USP21: variants seen among roughly 807,000 people sequenced by gnomAD.
The protein encoded by USP21 is ubiquitin specific peptidase 21.
A neutral mutation model predicts 70.8 loss-of-function variants in USP21; 37 were observed. That is an observed-to-expected ratio of 0.52 (90% CI 0.40 to 0.69). USP21 has a LOEUF of 0.69. Ranked by LOEUF, USP21 falls within the 30% of genes least tolerant of loss-of-function variation. The probability of loss-of-function intolerance (pLI) is 0.00; values close to 1 mark genes in which losing one functional copy is unlikely to be tolerated. For missense variants in USP21, 584 were observed against 740.8 expected (o/e 0.79, Z 2.46); for synonymous variants, 263 against 283.1 (o/e 0.93, Z 0.71).
Position 161,160,972 on chromosome 1 carries a change from C to G in USP21, c.332C>G (p.Ser111Cys). 1 of 1,614,248 alleles carries G rather than the reference C, an allele frequency of 6.2e-7. No homozygotes were observed. The highest frequency in any genetic ancestry group is 8.5e-7 in the Non-Finnish European group (1 of 1,180,054). Residue 111 changes from serine (S) to cysteine (C), a missense_variant, in exon 3 of 14, where the codon TCC (serine) becomes TGC (cysteine). Transcript: ENST00000368002. ...PLPSRTNLARSKSVSSGDLRP... is the reference protein window; with the variant it reads ...PLPSRTNLARCKSVSSGDLRP... ...CCATCTCGGACCAACTTAGCCCGTTCCAAGTCTGTGAGCAGTGGGGACTTG... is the reference window on the plus strand; with the variant it reads ...CCATCTCGGACCAACTTAGCCCGTTGCAAGTCTGTGAGCAGTGGGGACTTG...
chr1:161,163,121 C>A (rs1658084607), intron 7 of USP21, 47 bp downstream of exon 7: 3 of 1,540,712 alleles, frequency 1.9e-6, no homozygotes, highest in Non-Finnish European at 2.6e-6. Context: ...TTATCAGCAT[C>A]ATTCACACTT....
Position 161,163,574 on chromosome 1 carries a change from C to T in USP21, c.1069C>T (p.Leu357=), listed in dbSNP as rs1203698456. The T allele has an allele frequency of 6.8e-6, 11 of 1,612,946 alleles. No homozygotes were observed. The highest frequency in any genetic ancestry group is 7.6e-6 in the Non-Finnish European group (9 of 1,179,928). ...PELSDDDRAN[L]MWKRYLERED... ...TGGTAGTGATGATGACCGAGCCAAC[C>T]TAATGTGGAAACGTTACCTGGAGCG... Residue 357 remains leucine, a synonymous_variant, in exon 8 of 14, where the codon CTA becomes TTA. Transcript: ENST00000368002.
At position 161,163,496 on chromosome 1, in the gene USP21, G is replaced by T. The variant is rs541603970; in HGVS notation, c.1050-59G>T. ...TGTAGGTTGTTTCAGTGGGTGTTGG[G>T]GGTGCCCAGTGTTCCTGCTGTCTCA... On this transcript the variant is annotated intron_variant, in intron 7 of 13. Transcript: ENST00000368002. The T allele has an allele frequency of 1.3e-4, 191 of 1,525,090 alleles. No homozygotes were observed. In the East Asian group the frequency reaches 4.2e-3, roughly 34 times the overall value. 94.5% of individuals were successfully genotyped at this position (1,525,090 alleles called of 1,614,324 possible).
intron 8 of USP21, 45 bp from the exon 9 acceptor site, chr1:161,163,833 A>G: frequency 6.4e-7 from 1 of 1,563,448 alleles, no homozygotes; most frequent in Non-Finnish European, 8.8e-7. Context: ...TCATCTCATA[A>G]CATCCAACAA....
In USP21 at chr1:161,161,802, T is replaced by G; in HGVS notation, c.601-236T>G. On this transcript the variant is annotated intron_variant, in intron 3 of 13. Transcript: ENST00000368002. The surrounding 1 kb of genome is among the most constrained non-coding windows in gnomAD (Gnocchi z 4.2). ...AACGTCAGCTAGCTGAGCAGAGGAG[T>G]AAGTGGGCAACAGGTGGGACAGCCA... 2 of 548,364 alleles carry G rather than the reference T, an allele frequency of 3.6e-6. No individual in the cohort carries two copies. Among genetic ancestry groups the G allele is most frequent in the East Asian group, 3.1e-5 (1 of 32,620 alleles). The allele number at this position is 548,364 out of a possible 1,614,324, so 34.0% of individuals were successfully genotyped here.
In USP21 at chr1:161,163,604, G is replaced by A. The variant is rs2101811838; in HGVS notation, c.1099G>A (p.Asp367Asn). 3.7e-6 allele frequency: 6 copies of A among 1,603,722 alleles called. No homozygotes were observed. Among genetic ancestry groups the A allele is most frequent in the Non-Finnish European group, 4.3e-6 (5 of 1,174,452 alleles). Reference protein sequence around the residue: ...LMWKRYLEREDSKIVDLFVGQ... With the variant: ...LMWKRYLERENSKIVDLFVGQ... ...GTGGAAACGTTACCTGGAGCGAGAG[G>A]ACAGCAAGATTGTGGGTATGGAATG... Residue 367 changes from aspartate to asparagine, a missense_variant, in exon 8 of 14, where the codon GAC (aspartate) becomes AAC (asparagine). Asp to Asn is a conservative substitution (Grantham distance 23). This residue lies in a region of USP21 where 173 missense variants were observed against 268.2 expected (regional missense o/e 0.65). Transcript: ENST00000368002.
rs767479799 is a variant in USP21, at chr1:161,160,851, G to C, written c.211G>C (p.Gly71Arg). 1 of 1,614,206 alleles carries C rather than the reference G, an allele frequency of 6.2e-7. No individual in the cohort carries two copies. Among genetic ancestry groups the C allele is most frequent in the Non-Finnish European group, 8.5e-7 (1 of 1,180,040 alleles). ...ERLKKLELGR[G>R]RTSGPRPRGP... ...GCTCAAGAAACTGGAGCTGGGACGG[G>C]GACGGACCTCAGGCCCTCGTCCCAG... The change falls in exon 3 of 14, where the codon GGA becomes CGA. Residue 71 changes from glycine to arginine, a missense_variant. By Grantham distance (125) the Gly-to-Arg change is moderately radical. This residue lies in a region of USP21 where 284 missense variants were observed against 281.0 expected (regional missense o/e 1.01). Coordinates refer to ENST00000368002, the MANE Select transcript of USP21 (RefSeq NM_001014443.3).
In USP21 at chr1:161,162,330, C is replaced by A; in HGVS notation, c.721C>A (p.Leu241Met). The A allele has an allele frequency of 1.2e-6, 2 of 1,613,656 alleles. No individual in the cohort carries two copies. Among genetic ancestry groups the A allele is most frequent in the Non-Finnish European group, 1.7e-6 (2 of 1,179,818 alleles). The change falls in exon 5 of 14, where the codon CTG (leucine) becomes ATG (methionine). Residue 241 changes from leucine to methionine, a missense_variant. Leu to Met is a conservative substitution (Grantham distance 15). Transcript: ENST00000368002. The surrounding 1 kb of genome is among the most constrained non-coding windows in gnomAD (Gnocchi z 4.1). The part of the protein sequence containing the change: ...SSTRPLRDFC[L>M]RRDFRQEVPG... Reference sequence around the variant, plus strand: ...CACTCGACCTCTTCGGGACTTCTGTCTGAGAAGGGACTTCCGGCAAGAGGT... The same window carrying A: ...CACTCGACCTCTTCGGGACTTCTGTATGAGAAGGGACTTCCGGCAAGAGGT...
chr1:161,159,951 TGTTCG>T (rs1657770415), intron 1 of USP21, among the ~76,000 whole-genome samples: 6 of 152,268 alleles, frequency 3.9e-5, no homozygotes, highest in South Asian at 2.1e-4. Flanking sequence ...GTCAAGGAGT[TGTTCG>T]TCCTCCATCC....
In USP21 at chr1:161,160,507, G is replaced by T; in HGVS notation, c.-22+1G>T. The T allele has an allele frequency of 9.0e-7, 1 of 1,108,816 alleles. No individual in the cohort carries two copies. Among genetic ancestry groups the T allele is most frequent in the Admixed American group, 2.2e-5 (1 of 46,208 alleles). 68.7% of individuals were successfully genotyped at this position (1,108,816 alleles called of 1,614,324 possible). On this transcript the variant is annotated splice_donor_variant, in intron 2 of 13. Transcript: ENST00000368002. LOFTEE classifies it low-confidence loss of function (5UTR_SPLICE). The stretch of plus-strand genomic sequence containing the variant: ...AAATGAGAGGACAGCAAGATTGTGG[G>T]TATGGAATGGGGCAAAGCAATAAGG...
chr1:161,159,933 G>C (rs1657767668), intron 1 of USP21, among the ~76,000 whole-genome samples: 1 of 152,236 alleles, frequency 6.6e-6, no homozygotes. Flanking sequence ...GAAGTGCAGA[G>C]ATTAAGGGTC....
rs1658140045 is a variant in USP21, at chr1:161,163,765, T to C, written c.1115-113T>C. On this transcript the variant is annotated intron_variant, in intron 8 of 13. Transcript: ENST00000368002. ...TGTGTGAAGAGTTGATTAGGAGTGTTGGTAGTGGGAAAGGAAGGGTCAAGC... is the reference window on the plus strand; with the variant it reads ...TGTGTGAAGAGTTGATTAGGAGTGTCGGTAGTGGGAAAGGAAGGGTCAAGC... 3 of 1,320,570 alleles carry C rather than the reference T, an allele frequency of 2.3e-6. No individual in the cohort carries two copies. The South Asian group carries it at 3.6e-5, about 16-fold the overall frequency. The allele number at this position is 1,320,570 out of a possible 1,614,324, so 81.8% of individuals were successfully genotyped here.
chr1:161,164,876 A>C lies in USP21; in HGVS notation c.1426A>C (p.Ser476Arg). ...TGCCTCCCGAGGCTCCATCAAAAAA[A>C]GTTCAGTAGGTGTAGACTTTCCACT... ...FSASRGSIKK[S>R]SVGVDFPLQR... is the part of the protein sequence containing the mutation. Residue 476 changes from serine (S) to arginine (R), a missense_variant, in exon 12 of 14, where the codon AGT (serine) becomes CGT (arginine). Ser to Arg is a moderately radical substitution (Grantham distance 110, BLOSUM62 -1). Transcript: ENST00000368002. This position sits in a 1 kb window ranked among gnomAD's most constrained non-coding sequence, Gnocchi z 4.2. 6.2e-7 allele frequency: 1 copy of C among 1,614,112 alleles called. No homozygotes were observed. Among genetic ancestry groups the C allele is most frequent in the Non-Finnish European group, 8.5e-7 (1 of 1,179,964 alleles).
rs1571286405 is a variant in USP21 at position 161,163,274 on chromosome 1, T to C, written c.1049+200T>C. ...GGGAGCAGATGGAGGCAGAAGATCA[T>C]GCTAGGGATGTCACCAAATTGAAGA... On this transcript the variant is annotated intron_variant, in intron 7 of 13. Coordinates refer to ENST00000368002, the MANE Select transcript of USP21 (RefSeq NM_001014443.3). 5.9e-5 allele frequency among the ~76,000 whole-genome samples: 9 copies of C among 152,310 alleles called. No individual in the cohort carries two copies. In the East Asian group the frequency reaches 1.7e-3, roughly 29 times the overall value.
intron 1 of USP21, among the ~76,000 whole-genome samples, 170 bp downstream of exon 1, chr1:161,159,848 C>T (rs1480848205): frequency 5.3e-5 from 8 of 152,180 alleles, no homozygotes; most frequent in Non-Finnish European, 1.5e-5. Flanking sequence ...CCGCCGGATT[C>T]CGTAGCCAAT....
Position 161,164,609 on chromosome 1 carries a change from C to T in USP21, c.1381C>T (p.Leu461Phe), listed in dbSNP as rs1477554614. The T allele has an allele frequency of 6.2e-7, 1 of 1,614,136 alleles. No homozygotes were observed. ...TVQRFPRILVLHLNRFSASRG... is the reference protein window; with the variant it reads ...TVQRFPRILVFHLNRFSASRG... ...ACAAAGATTCCCTCGAATCCTCGTG[C>T]TCCATATCCTAATCTTCAGATTCTT... The change falls in exon 11 of 14, where the codon CTC (leucine) becomes TTC (phenylalanine). Residue 461 changes from leucine to phenylalanine, a missense_variant. Around this residue, in one of 4 missense-constraint regions of USP21, gnomAD observed 173 missense variants for 268.2 expected, o/e 0.65. Coordinates refer to ENST00000368002, the MANE Select transcript of USP21 (RefSeq NM_001014443.3). This position sits in a 1 kb window ranked among gnomAD's most constrained non-coding sequence, Gnocchi z 4.2.
rs1376338644 is a variant in USP21 at position 161,160,689 on chromosome 1, G to A, written c.49G>A (p.Val17Ile). ...HRLGRTREPP[V>I]NIQPRVGSKL... ...CCTGGGCCGTACCCGAGAGCCACCT[G>A]TTAATATCCAGCCCCGAGTGGGATC... The change falls in exon 3 of 14, where the codon GTT becomes ATT. Residue 17 changes from valine (V) to isoleucine (I), a missense_variant. This residue lies in a region of USP21 where 284 missense variants were observed against 281.0 expected (regional missense o/e 1.01). Coordinates refer to ENST00000368002, the MANE Select transcript of USP21 (RefSeq NM_001014443.3). 6 of 1,614,056 alleles carry A rather than the reference G, an allele frequency of 3.7e-6. No individual in the cohort carries two copies. The highest frequency in any genetic ancestry group is 4.2e-6 in the Non-Finnish European group (5 of 1,180,038).
At position 161,161,062 on chromosome 1, in the gene USP21, G is replaced by C; in HGVS notation, c.422G>C (p.Arg141Pro). ...GTGELGAALSRLALRPEPPTL... is the reference protein window; with the variant it reads ...GTGELGAALSPLALRPEPPTL... Reference sequence around the variant, plus strand: ...GGAGAGCTTGGGGCTGCACTGAGCCGCTTGGCCCTCCGGCCTGAGCCACCC... The same window carrying C: ...GGAGAGCTTGGGGCTGCACTGAGCCCCTTGGCCCTCCGGCCTGAGCCACCC... Residue 141 changes from arginine to proline, a missense_variant, in exon 3 of 14, where the codon CGC (arginine) becomes CCC (proline). By Grantham distance (103) the Arg-to-Pro change is moderately radical. This residue lies in a region of USP21 where 284 missense variants were observed against 281.0 expected (regional missense o/e 1.01). Transcript: ENST00000368002. This position sits in a 1 kb window ranked among gnomAD's most constrained non-coding sequence, Gnocchi z 4.2. 1 of 1,614,238 alleles carries C rather than the reference G, an allele frequency of 6.2e-7. No homozygotes were observed. The highest frequency in any genetic ancestry group is 8.5e-7 in the Non-Finnish European group (1 of 1,180,038).
Position 161,162,537 on chromosome 1 carries a change from TC to T in USP21, c.782-77del. The stretch of plus-strand genomic sequence containing the variant: ...GTGCCTACTTTCCTAAAGGTTATTT[TC>T]TACCCTCTGAGCCACCTTTTGCTTG... On this transcript the variant is annotated intron_variant, in intron 5 of 13. Coordinates refer to ENST00000368002, the MANE Select transcript of USP21 (RefSeq NM_001014443.3). The surrounding 1 kb of genome is among the most constrained non-coding windows in gnomAD (Gnocchi z 4.1). 6.5e-7 allele frequency: 1 copy of T among 1,537,644 alleles called. No individual in the cohort carries two copies. The highest frequency in any genetic ancestry group is 9.0e-7 in the Non-Finnish European group (1 of 1,113,466).
Sources: gnomAD v4.1 joint callset for allele counts (sites outside exome capture counted in the v4.1 genomes callset) on GRCh38, gnomAD v4.1.1 for gene constraint, gnomAD v4.1.1 regional missense constraint, Gnocchi (gnomAD v3.1) non-coding constraint, MANE v1.5 for transcripts, NCBI Gene and HGNC (gene_info 2026-07-23, HGNC 2026-07-21) for gene names.